NRG1: variants seen among roughly 807,000 people sequenced by gnomAD.
NRG1 encodes the protein neuregulin 1, also known as pro-neuregulin-1, membrane-bound isoform.
NRG1 carries 18 observed loss-of-function variants against 63.8 expected under a neutral mutation model. The observed-to-expected ratio is 0.28, with a 90% CI of 0.19 to 0.42. The LOEUF is 0.42. NRG1 is among the 10% of genes least tolerant of loss of function. The pLI is 1.00. For synonymous variants in NRG1, 302 were observed against 301.3 expected (o/e 1.00, Z -0.02); for missense variants, 762 against 814.7 (o/e 0.94, Z 0.79).
chr8:31,771,714 G>C (rs56325140), intron 1 of NRG1, among the ~76,000 whole-genome samples: 24,040 of 152,124 alleles, frequency 0.16, 2,182 homozygotes, highest in East Asian at 0.2. Context: ...TCAAAGAATG[G>C]TGCATGGCTA....
In NRG1 at chr8:32,238,422, C is replaced by T. The variant is rs140356674; in HGVS notation, c.38-357406C>T. On this transcript the variant is annotated intron_variant, in intron 1 of 10. Coordinates refer to the NRG1 transcript ENST00000519301. ...GTGAGCCAAGATTGTCCAGCCTGGA[C>T]AATAGAGACTCTTTCTCAAAAAGAA... Among the ~76,000 whole-genome samples the T allele has an allele frequency of 2.2e-3, 302 of 135,220 alleles. 2 individuals are homozygous for T. The highest frequency in any genetic ancestry group is 8.1e-3 in the African/African-American group (290 of 35,892). The allele number at this position is 135,220 out of a possible 152,430, so 88.7% of individuals were successfully genotyped here.
At chr8:32,407,687 A>G (rs1419550970) in intron 1 of NRG1, among the ~76,000 whole-genome samples, 1 of 152,116 alleles carries the variant, frequency 6.6e-6, no homozygotes, top group Admixed American at 6.5e-5. Context: ...ACTGCCATAC[A>G]CAGCCTCGCT....
intron 1 of NRG1, among the ~76,000 whole-genome samples, chr8:31,662,910 A>G (rs969665507): frequency 1.1e-4 from 16 of 152,136 alleles, no homozygotes; most frequent in Non-Finnish European, 1.9e-4. Context: ...CTGATAAGAT[A>G]TTTAGTCCTA....
chr8:32,379,790 G>T (rs545957295), intron 1 of NRG1, among the ~76,000 whole-genome samples: 2 of 152,156 alleles, frequency 1.3e-5, no homozygotes, highest in Non-Finnish European at 2.9e-5. Flanking sequence ...CTTGAAGCTC[G>T]ATCAACTCCA....
At chr8:32,257,609 T>G (rs1462806635) in intron 1 of NRG1, among the ~76,000 whole-genome samples, 1 of 152,210 alleles carries the variant, frequency 6.6e-6, no homozygotes. Flanking sequence ...GTCCATAATT[T>G]TTTTAAGTAT....
At chr8:32,549,793 G>T (rs76885009) in intron 1 of NRG1, among the ~76,000 whole-genome samples, 2 of 152,158 alleles carry the variant, frequency 1.3e-5, no homozygotes, top group African/African-American at 4.8e-5. Context: ...ATAAATACTT[G>T]TTTATGAGTG....
intron 5 of NRG1, among the ~76,000 whole-genome samples, chr8:32,661,520 G>C (rs1302279160): frequency 2.0e-5 from 3 of 152,042 alleles, no homozygotes; most frequent in Non-Finnish European, 4.4e-5. Flanking sequence ...TTTACTCATG[G>C]GGAAACTAAG....
chr8:31,746,944 G>A (rs1815934110), intron 1 of NRG1, among the ~76,000 whole-genome samples: 1 of 151,870 alleles, frequency 6.6e-6, no homozygotes, highest in South Asian at 2.1e-4. Flanking sequence ...CTTATTTGTG[G>A]AATCTTAAAA....
Position 31,868,146 on chromosome 8 carries a change from TTACACACACACA to T in NRG1, c.37+228716_37+228727del, listed in dbSNP as rs1246347754. Among the ~76,000 whole-genome samples, 825 of 115,866 alleles carry T rather than the reference TTACACACACACA, an allele frequency of 7.1e-3. 15 individuals carry two copies. Among genetic ancestry groups the T allele is most frequent in the African/African-American group, 0.021 (714 of 34,630 alleles). 76.0% of individuals were successfully genotyped at this position (115,866 alleles called of 152,430 possible). On this transcript the variant is annotated intron_variant, in intron 1 of 10. Coordinates refer to the NRG1 transcript ENST00000519301. ...AAACACACACACACACACATACATC[TTACACACACACA>T]CACACACACACACACACACACACAC...
chr8:31,648,235 G>A (rs966537031), intron 1 of NRG1, among the ~76,000 whole-genome samples: 4 of 137,922 alleles, frequency 2.9e-5, no homozygotes, highest in African/African-American at 5.4e-5. Context: ...CCGGGTTCAC[G>A]CCATTCTCCT....
At chr8:32,124,589 G>A (rs920970981) in intron 1 of NRG1, among the ~76,000 whole-genome samples, 1 of 151,832 alleles carries the variant, frequency 6.6e-6, no homozygotes, top group African/African-American at 2.4e-5. Context: ...AGTACTACTT[G>A]TCCAGGACTC....
chr8:32,452,683 G>A (rs1300789478), intron 1 of NRG1, among the ~76,000 whole-genome samples: 1 of 98,038 alleles, frequency 1.0e-5, no homozygotes, highest in African/African-American at 3.5e-5. Flanking sequence ...TGGAAAAACA[G>A]AAGTATAGAG....
chr8:32,604,768 T>C (rs1406567797), intron 2 of NRG1, among the ~76,000 whole-genome samples: 7 of 152,246 alleles, frequency 4.6e-5, no homozygotes, highest in Admixed American at 4.6e-4. Flanking sequence ...CAGTAAACTC[T>C]GAGCCAATCC....
At chr8:31,653,766 GCTCA>G (rs1468263060) in intron 1 of NRG1, among the ~76,000 whole-genome samples, 1 of 152,182 alleles carries the variant, frequency 6.6e-6, no homozygotes, top group East Asian at 1.9e-4. Context: ...AACGTTTAAT[GCTCA>G]CTATGTCTTG....
intron 1 of NRG1, among the ~76,000 whole-genome samples, chr8:32,508,091 TA>T (rs1828743991): frequency 6.6e-6 from 1 of 152,216 alleles, no homozygotes; most frequent in Non-Finnish European, 1.5e-5. Flanking sequence ...CTAAACCAGC[TA>T]ACACTTTTCA....
chr8:32,767,918 C>T (rs1249239777), exon 12 of NRG1: 1 of 152,142 alleles, frequency 6.6e-6, no homozygotes. Flanking sequence ...TGTCCATTTT[C>T]CATGAAAGAC....
rs576586947 is a variant in NRG1, at chr8:32,674,953, A to G, written c.503-52996A>G. On this transcript the variant is annotated intron_variant, in intron 5 of 11. Coordinates refer to ENST00000356819, the Ensembl canonical transcript of NRG1. ...ACTTCTCAATCATATCCATGGAGCAAGGATGTGAGAGTAGTTGGCTTTTGT... is the reference window on the plus strand; with the variant it reads ...ACTTCTCAATCATATCCATGGAGCAGGGATGTGAGAGTAGTTGGCTTTTGT... 5.9e-5 allele frequency among the ~76,000 whole-genome samples: 9 copies of G among 152,274 alleles called. No individual in the cohort carries two copies. The South Asian group carries it at 1.9e-3, about 32-fold the overall frequency.
chr8:31,836,702 C>CTTCCT (rs1029177932), intron 1 of NRG1, among the ~76,000 whole-genome samples: 1 of 152,042 alleles, frequency 6.6e-6, no homozygotes, highest in Non-Finnish European at 1.5e-5. Flanking sequence ...TGAATATTTA[C>CTTCCT]TTCCTTTCCA....
At chr8:32,061,645 T>C (rs1222333903) in intron 1 of NRG1, 1 of 152,054 alleles carries the variant, frequency 6.6e-6, no homozygotes, top group Non-Finnish European at 1.5e-5. Context: ...CCCAGTCCTA[T>C]GCTGTTTCCT....
Sources: allele counts gnomAD v4.1 joint callset (sites outside exome capture counted in the v4.1 genomes callset), GRCh38; gene constraint gnomAD v4.1.1; transcripts MANE v1.5; gene names NCBI Gene and HGNC (gene_info 2026-07-23, HGNC 2026-07-21).